HAUS6: variants seen among roughly 807,000 people sequenced by gnomAD.
HAUS6 encodes the protein HAUS augmin-like complex subunit 6.
HAUS6 carries 80 observed loss-of-function variants against 106.8 expected under a neutral mutation model. That is an observed-to-expected ratio of 0.75 (90% CI 0.63 to 0.90). The LOEUF (loss-of-function observed/expected upper bound fraction) is 0.90. Ranked by LOEUF, HAUS6 falls within the 40% of genes least tolerant of loss-of-function variation. The probability of loss-of-function intolerance (pLI) is 0.00; values close to 1 mark genes in which losing one functional copy is unlikely to be tolerated. For missense variants in HAUS6, 1,155 were observed against 1,118.1 expected (o/e 1.03, Z -0.47); for synonymous variants, 356 against 379.1 (o/e 0.94, Z 0.71).
chr9:19,094,152 A>G (rs1396479902), intron 3 of HAUS6, among the ~76,000 whole-genome samples, 165 bp downstream of exon 3: 2 of 152,240 alleles, frequency 1.3e-5, no homozygotes, highest in Non-Finnish European at 2.9e-5. Context: ...CGAAATATAT[A>G]GAATCCCAAC....
chr9:19,086,768 T>C lies in HAUS6; in HGVS notation c.665A>G (p.Asp222Gly). The C allele has an allele frequency of 8.3e-7, 1 of 1,203,752 alleles. No individual in the cohort carries two copies. The highest frequency in any genetic ancestry group is 1.2e-6 in the Non-Finnish European group (1 of 822,618). The allele number at this position is 1,203,752 out of a possible 1,614,324, so 74.6% of individuals were successfully genotyped here. ...TTTTTCTTCCATATTACTGTGGTCA[T>C]CATAGGGTTCCATTCTAATAAAAAT... ...ENQIKKMEPY[D>G]DHSNMEEKIQ... Residue 222 changes from aspartate (D) to glycine (G), a missense_variant, in exon 7 of 17, where the codon GAT (aspartate) becomes GGT (glycine). By Grantham distance (94) the Asp-to-Gly change is moderately conservative (BLOSUM62 -1). Around this residue, in one of 3 missense-constraint regions of HAUS6, gnomAD observed 761 missense variants for 690.0 expected, o/e 1.10. Transcript: ENST00000380502.
chr9:19,058,155 T>G lies in HAUS6; in HGVS notation c.2612A>C (p.Gln871Pro), dbSNP rs1836519590. ...AAGCGTATCATCTGTTTGTACATTT[T>G]GGGGAGTAGGGCTCAATTCTGGTTT... is the stretch of plus-strand genomic sequence containing the variant. ...RHKPELSPTPQNVQTDDTLNF... is the reference protein window; with the variant it reads ...RHKPELSPTPPNVQTDDTLNF... Residue 871 changes from glutamine (Q) to proline (P), a missense_variant, in exon 16 of 17, where the codon CAA (glutamine) becomes CCA (proline). This residue lies in a region of HAUS6 where 380 missense variants were observed against 394.8 expected (regional missense o/e 0.96). Coordinates refer to ENST00000380502, the MANE Select transcript of HAUS6 (RefSeq NM_017645.5). 6.2e-7 allele frequency: 1 copy of G among 1,613,824 alleles called. No homozygotes were observed. The highest frequency in any genetic ancestry group is 8.5e-7 in the Non-Finnish European group (1 of 1,179,838).
At chr9:19,080,176 A>AT (rs1400474705) in intron 9 of HAUS6, among the ~76,000 whole-genome samples, 2 of 142,922 alleles carry the variant, frequency 1.4e-5, no homozygotes, top group African/African-American at 5.4e-5. Context: ...CTCCGTCTCA[A>AT]AAAAAAAAAA....
At chr9:19,094,275 A>C in intron 3 of HAUS6, 42 bp downstream of exon 3, 2 of 1,184,210 alleles carry the variant, frequency 1.7e-6, no homozygotes, top group Non-Finnish European at 2.5e-6. Flanking sequence ...AGTAGTTTTT[A>C]ACTTCTTAAA....
chr9:19,087,613 G>A (rs1399312451), intron 5 of HAUS6, among the ~76,000 whole-genome samples: 2 of 152,084 alleles, frequency 1.3e-5, no homozygotes, highest in East Asian at 3.8e-4. Flanking sequence ...CCTATATTTT[G>A]GGAGGCTGAG....
At position 19,056,821 on chromosome 9, in the gene HAUS6, G is replaced by A. The variant is rs753378549; in HGVS notation, c.2807-417C>T. ...TCCCTGTGTTGCTGAGGCTAGTCTC[G>A]AACTCCTGGGTTCAAGTGATCCTCC... On this transcript the variant is annotated intron_variant, in intron 16 of 16. Coordinates refer to ENST00000380502, the MANE Select transcript of HAUS6 (RefSeq NM_017645.5). 1.2e-4 allele frequency: 19 copies of A among 159,242 alleles called. 1 individual carries two copies. The highest frequency in any genetic ancestry group is 1.8e-4 in the East Asian group (1 of 5,540). The allele number at this position is 159,242 out of a possible 1,614,324, so 9.9% of individuals were successfully genotyped here. A position where few individuals can be genotyped will look rare whatever the true frequency, so the allele number is the denominator to read the frequency against.
intron 4 of HAUS6, among the ~76,000 whole-genome samples, chr9:19,092,465 A>T (rs1723816128): frequency 6.6e-6 from 1 of 151,640 alleles, no homozygotes; most frequent in Non-Finnish European, 1.5e-5. Flanking sequence ...AAAATACAAA[A>T]TTAGCCGGGT....
chr9:19,101,806 G>C (rs1419508509), intron 1 of HAUS6, among the ~76,000 whole-genome samples: 1 of 152,126 alleles, frequency 6.6e-6, no homozygotes, highest in Non-Finnish European at 1.5e-5. Flanking sequence ...TGTAATCCCA[G>C]CTACTCGGGA....
At chr9:19,100,193 C>CA (rs942519149) in intron 1 of HAUS6, among the ~76,000 whole-genome samples, 55 of 147,818 alleles carry the variant, frequency 3.7e-4, no homozygotes, top group East Asian at 2.8e-3. Context: ...GACTCCATCT[C>CA]AAAAAAAAAA....
intron 4 of HAUS6, chr9:19,089,790 C>G (rs973847306): frequency 1.6e-5 from 8 of 514,146 alleles, no homozygotes; most frequent in African/African-American, 1.2e-4. Context: ...TCCCCAAAAG[C>G]TAGTATACCA....
At position 19,098,304 on chromosome 9, in the gene HAUS6, G is replaced by A. The variant is rs556356214; in HGVS notation, c.129-1535C>T. On this transcript the variant is annotated intron_variant, in intron 1 of 16. Transcript: ENST00000380502. The stretch of plus-strand genomic sequence containing the variant: ...AATACAAAAATTAGCTGGGCGTGGT[G>A]GCGTGCACCTGTAATCCCAGCTACT... Among the ~76,000 whole-genome samples, 31 of 152,116 alleles carry A rather than the reference G, an allele frequency of 2.0e-4. No individual in the cohort carries two copies. In the South Asian group the frequency reaches 6.0e-3, roughly 30 times the overall value.
At chr9:19,073,779 A>G (rs1019300260) in intron 11 of HAUS6, 2 of 152,206 alleles carry the variant, frequency 1.3e-5, no homozygotes, top group Non-Finnish European at 2.9e-5. Context: ...AGGATGCTCT[A>G]TCTGAAGCTC....
Position 19,086,817 on chromosome 9 carries a change from A to G in HAUS6, c.651-35T>C, listed in dbSNP as rs200735474. On this transcript the variant is annotated intron_variant, in intron 6 of 16. Coordinates refer to ENST00000380502, the MANE Select transcript of HAUS6 (RefSeq NM_017645.5). ...ATTAAATAATCTAATTAGTCATATT[A>G]AAAATCACATGGTAATTTAATATCC... The G allele has an allele frequency of 9.3e-6, 8 of 857,922 alleles. No homozygotes were observed. The East Asian group carries it at 2.0e-4, about 22-fold the overall frequency. 53.1% of individuals were successfully genotyped at this position (857,922 alleles called of 1,614,324 possible). A position where few individuals can be genotyped will look rare whatever the true frequency, so the allele number is the denominator to read the frequency against.
At chr9:19,100,363 C>A (rs909763536) in intron 1 of HAUS6, among the ~76,000 whole-genome samples, 1 of 152,072 alleles carries the variant, frequency 6.6e-6, no homozygotes, top group African/African-American at 2.4e-5. Context: ...CAGACTATCT[C>A]AAAAAATAAA....
intron 1 of HAUS6, among the ~76,000 whole-genome samples, chr9:19,101,474 G>A (rs1012219069): frequency 2.0e-5 from 3 of 151,904 alleles, no homozygotes; most frequent in South Asian, 4.2e-4. Flanking sequence ...CTGGGCGACA[G>A]AGTGGGAGAC....
chr9:19,081,954 C>G (rs1837160317), intron 8 of HAUS6, among the ~76,000 whole-genome samples: 1 of 152,060 alleles, frequency 6.6e-6, no homozygotes, highest in African/African-American at 2.4e-5. Flanking sequence ...CTTTGTATCT[C>G]TCCAGTATAT....
chr9:19,102,470 C>A, intron 1 of HAUS6, 54 bp downstream of exon 1: 1 of 1,581,590 alleles, frequency 6.3e-7, no homozygotes, highest in Non-Finnish European at 8.6e-7. Context: ...AGGGGGAGTC[C>A]CCCGGCGTCC....
At chr9:19,081,675 G>T (rs1468773213) in intron 8 of HAUS6, among the ~76,000 whole-genome samples, 2 of 152,106 alleles carry the variant, frequency 1.3e-5, no homozygotes, top group Admixed American at 1.3e-4. Context: ...CTGACCGCAA[G>T]TGATCTACCC....
intron 14 of HAUS6, among the ~76,000 whole-genome samples, chr9:19,062,666 T>C (rs113857859): frequency 9.2e-5 from 14 of 152,286 alleles, no homozygotes; most frequent in African/African-American, 3.1e-4. Flanking sequence ...TATTTGTTTT[T>C]GATTTTGTTT....
Sources: gnomAD v4.1 joint callset for allele counts (sites outside exome capture counted in the v4.1 genomes callset) on GRCh38, gnomAD v4.1.1 for gene constraint, gnomAD v4.1.1 regional missense constraint, MANE v1.5 for transcripts, NCBI Gene and HGNC (gene_info 2026-07-23, HGNC 2026-07-21) for gene names.